SAXO1: variants seen among roughly 807,000 people sequenced by gnomAD.
SAXO1 encodes the protein 4930500O09Rik.
Under a neutral mutation model 17.5 loss-of-function variants are expected in SAXO1, and 21 were observed. The observed-to-expected ratio is 1.20, with a 90% CI of 0.85 to 1.72. The LOEUF (loss-of-function observed/expected upper bound fraction) is 1.72, where lower values mean the gene tolerates loss of function less well. SAXO1 is among the 40% of genes most tolerant of loss of function. SAXO1 has a pLI of 0.00. For missense variants in SAXO1, 843 were observed against 596.0 expected, an observed-to-expected ratio of 1.41 and a Z score of -4.32; for synonymous variants, 274 against 216.5, an observed-to-expected ratio of 1.27 and a Z score of -2.33.
Position 19,032,767 on chromosome 9 carries a change from C to A in SAXO1, c.38+104G>T, listed in dbSNP as rs62560458. On this transcript the variant is annotated intron_variant, in intron 1 of 3. Coordinates refer to ENST00000380534, the MANE Select transcript of SAXO1 (RefSeq NM_153707.4). Reference sequence around the variant, plus strand: ...TTAAAAAACGTAGCAAGTGGACGAACCCACCGTGATGCCGCCTGATGAAGC... The same window carrying A: ...TTAAAAAACGTAGCAAGTGGACGAAACCACCGTGATGCCGCCTGATGAAGC... 1.7e-3 allele frequency: 2,230 copies of A among 1,296,602 alleles called. 13 individuals carry two copies. Among genetic ancestry groups the A allele is most frequent in the Middle Eastern group, 8.0e-3 (43 of 5,362 alleles). The allele number at this position is 1,296,602 out of a possible 1,614,324, so 80.3% of individuals were successfully genotyped here. A position where few individuals can be genotyped will look rare whatever the true frequency, so the allele number is the denominator to read the frequency against.
At position 18,928,095 on chromosome 9, in the gene SAXO1, T is replaced by C; in HGVS notation, c.1382A>G (p.Asp461Gly). ...CTCCCTCTGGTTGGGGTTTTCTGAA[T>C]CATCTACAGAAAGATGGCTGCTCTG... is the stretch of plus-strand genomic sequence containing the variant. ...SQQSSHLSVD[D>G]SENPNQRELE... is the part of the protein sequence containing the mutation. Residue 461 changes from aspartate to glycine, a missense_variant, in exon 4 of 4, where the codon GAT becomes GGT. By Grantham distance (94) the Asp-to-Gly change is moderately conservative. Transcript: ENST00000380534. 2 of 1,612,542 alleles carry C rather than the reference T, an allele frequency of 1.2e-6. No homozygotes were observed. The highest frequency in any genetic ancestry group is 1.7e-6 in the Non-Finnish European group (2 of 1,178,800).
At chr9:19,035,989 G>A (rs934801670), upstream of SAXO1, among the ~76,000 whole-genome samples, 1 of 151,902 alleles carries the variant, frequency 6.6e-6, no homozygotes, top group Non-Finnish European at 1.5e-5. Context: ...AACCTTCTCA[G>A]CAAACTAACA....
Position 18,927,821 on chromosome 9 carries a change from G to C in SAXO1, c.*231C>G, listed in dbSNP as rs531230052. 7 of 450,260 alleles carry C rather than the reference G, an allele frequency of 1.6e-5. No individual in the cohort carries two copies. Among genetic ancestry groups the C allele is most frequent in the East Asian group, 3.3e-5 (1 of 30,238 alleles). 27.9% of individuals were successfully genotyped at this position (450,260 alleles called of 1,614,324 possible). On this transcript the variant is annotated 3_prime_UTR_variant, in exon 4 of 4. Coordinates refer to ENST00000380534, the MANE Select transcript of SAXO1 (RefSeq NM_153707.4). Reference sequence around the variant, plus strand: ...AAGCACAAAGTAAAGGACCTGAAACGGGGTGGGGATGCAGTAAAGGAGAAG... The same window carrying C: ...AAGCACAAAGTAAAGGACCTGAAACCGGGTGGGGATGCAGTAAAGGAGAAG...
chr9:19,048,453 T>A (rs1044088202), intron 1 of SAXO1, among the ~76,000 whole-genome samples: 3 of 149,232 alleles, frequency 2.0e-5, no homozygotes, highest in African/African-American at 7.4e-5. Flanking sequence ...TGAGACTCCG[T>A]CTCAAAAGAA....
intron 1 of SAXO1, among the ~76,000 whole-genome samples, chr9:18,953,826 G>C (rs1375499001): frequency 6.6e-6 from 1 of 152,200 alleles, no homozygotes; most frequent in East Asian, 1.9e-4. Flanking sequence ...CTAAAAGAAA[G>C]ATATCTAGAA....
At chr9:18,989,368 T>A (rs966628193) in intron 1 of SAXO1, among the ~76,000 whole-genome samples, 1 of 152,300 alleles carries the variant, frequency 6.6e-6, no homozygotes, top group South Asian at 2.1e-4. Context: ...ACTGTCTGCA[T>A]TGATGTTTAT....
intron 2 of SAXO1, among the ~76,000 whole-genome samples, chr9:18,946,399 C>A (rs1341058330): frequency 6.7e-6 from 1 of 149,692 alleles, no homozygotes; most frequent in Admixed American, 6.7e-5. Flanking sequence ...AAATTCTGTA[C>A]ATAAACTGGG....
rs1831580979 is a variant in SAXO1, at chr9:18,941,899, C to T, written c.219-60G>A. ...TGGCTTGCGATAAGGCTTATGTTTT[C>T]TGCTCAACCCAACTCTACAAACATT... On this transcript the variant is annotated intron_variant, in intron 2 of 3. Coordinates refer to ENST00000380534, the MANE Select transcript of SAXO1 (RefSeq NM_153707.4). 2.0e-6 allele frequency: 3 copies of T among 1,491,056 alleles called. No homozygotes were observed. In the South Asian group the frequency reaches 3.4e-5, roughly 17 times the overall value. The allele number at this position is 1,491,056 out of a possible 1,614,324, so 92.4% of individuals were successfully genotyped here. A position where few individuals can be genotyped will look rare whatever the true frequency, so the allele number is the denominator to read the frequency against.
intron 1 of SAXO1, among the ~76,000 whole-genome samples, chr9:18,968,666 T>G (rs1292810391): frequency 6.6e-6 from 1 of 151,552 alleles, no homozygotes; most frequent in Non-Finnish European, 1.5e-5. Flanking sequence ...TGATCGCAGC[T>G]CACTGCAACC....
chr9:18,967,131 G>A (rs950105673), intron 1 of SAXO1, among the ~76,000 whole-genome samples: 25 of 152,254 alleles, frequency 1.6e-4, no homozygotes, highest in Non-Finnish European at 3.5e-4. Context: ...TCATCCCAGA[G>A]GGGCACCTGC....
At chr9:18,991,010 C>T (rs1171917626) in intron 1 of SAXO1, among the ~76,000 whole-genome samples, 1 of 152,110 alleles carries the variant, frequency 6.6e-6, no homozygotes, top group East Asian at 1.9e-4. Flanking sequence ...GTAATCTCAG[C>T]ACTTTGGGAG....
intron 1 of SAXO1, among the ~76,000 whole-genome samples, chr9:18,995,568 T>C (rs930698031): frequency 1.3e-5 from 2 of 152,172 alleles, no homozygotes; most frequent in African/African-American, 4.8e-5. Context: ...TTTTAAGCCT[T>C]ACTCCTGTTT....
chr9:18,960,969 C>G (rs915165834), intron 1 of SAXO1, among the ~76,000 whole-genome samples: 2 of 151,726 alleles, frequency 1.3e-5, no homozygotes, highest in South Asian at 4.2e-4. Context: ...TGGCAGTGTT[C>G]TTCATCTTCA....
intron 1 of SAXO1, among the ~76,000 whole-genome samples, chr9:18,967,455 G>C (rs979535788): frequency 1.3e-5 from 2 of 152,220 alleles, no homozygotes; most frequent in African/African-American, 4.8e-5. Flanking sequence ...CAGAGAGGAG[G>C]AATCTAGAGA....
At chr9:19,019,126 A>T (rs1462496463) in intron 1 of SAXO1, among the ~76,000 whole-genome samples, 3 of 152,142 alleles carry the variant, frequency 2.0e-5, no homozygotes, top group African/African-American at 7.2e-5. Flanking sequence ...AAAGAAAAAA[A>T]AAAGAACCCT....
intron 1 of SAXO1, among the ~76,000 whole-genome samples, chr9:19,011,024 T>C (rs979098351): frequency 6.6e-6 from 1 of 152,076 alleles, no homozygotes; most frequent in African/African-American, 2.4e-5. Context: ...AACTCCAGAG[T>C]CTCTAACCTC....
chr9:18,998,521 A>G (rs1834106562), intron 1 of SAXO1, among the ~76,000 whole-genome samples: 1 of 152,204 alleles, frequency 6.6e-6, no homozygotes, highest in Non-Finnish European at 1.5e-5. Flanking sequence ...GGAGAATGGA[A>G]CCAAGTTAGA....
chr9:18,984,511 C>T (rs998864519), intron 1 of SAXO1, among the ~76,000 whole-genome samples: 43 of 152,256 alleles, frequency 2.8e-4, no homozygotes, highest in African/African-American at 1.0e-3. Context: ...GTAGCTTCTA[C>T]ATCAGCACTT....
chr9:19,029,644 T>C (rs1219880717), intron 1 of SAXO1, among the ~76,000 whole-genome samples: 13 of 152,162 alleles, frequency 8.5e-5, no homozygotes, highest in Non-Finnish European at 4.4e-5. Flanking sequence ...ATCAGTGTTG[T>C]CCAACAGAAC....
Sources: allele counts gnomAD v4.1 joint callset (sites outside exome capture counted in the v4.1 genomes callset), GRCh38; gene constraint gnomAD v4.1.1; transcripts MANE v1.5; gene names NCBI Gene and HGNC (gene_info 2026-07-23, HGNC 2026-07-21).